Variants in PDE1C observed in about 807,000 individuals in gnomAD.
PDE1C encodes the protein dual specificity calcium/calmodulin-dependent 3',5'-cyclic nucleotide phosphodiesterase 1C.
In PDE1C, 62 loss-of-function variants were observed where a neutral mutation model predicts 93.1. The ratio of observed to expected loss-of-function variants is 0.67; its 90% CI spans 0.54 to 0.82. The LOEUF is 0.82. PDE1C is among the 40% of genes least tolerant of loss of function. The pLI, the probability that PDE1C is intolerant of heterozygous loss-of-function variation, is 0.00. For missense variants in PDE1C, 742 were observed against 884.6 expected (o/e 0.84, Z 2.04); for synonymous variants, 325 against 310.1 (o/e 1.05, Z -0.50).
intron 16 of PDE1C, among the ~76,000 whole-genome samples, chr7:31,796,192 G>A (rs915705794): frequency 7.6e-4 from 113 of 149,562 alleles, no homozygotes; most frequent in African/African-American, 2.6e-3. Flanking sequence ...ATGTATATAT[G>A]ATATATATTA....
rs1011126653 is a variant in PDE1C at position 31,952,302 on chromosome 7, T to G, written c.129-71442A>C. On this transcript the variant is annotated intron_variant, in intron 2 of 17. Coordinates refer to ENST00000396191, the MANE Select transcript of PDE1C (RefSeq NM_001191057.4). ...TCTTGCTCTGTTATTTGGGCTGGCA[T>G]GTAGTGGCGTAATCTCGACTCACTG... Among the ~76,000 whole-genome samples the G allele has an allele frequency of 3.3e-5, 5 of 152,188 alleles. No individual in the cohort carries two copies. The South Asian group carries it at 6.2e-4, about 19-fold the overall frequency.
intron 6 of PDE1C, among the ~76,000 whole-genome samples, chr7:31,867,133 C>T (rs1795400078): frequency 6.6e-6 from 1 of 152,082 alleles, no homozygotes; most frequent in Non-Finnish European, 1.5e-5. Flanking sequence ...TGGCTGTTGC[C>T]TCCAGGGATG....
At chr7:31,730,502 T>C in the PDE1C span, among the ~76,000 whole-genome samples, 1 of 152,214 alleles carries the variant, frequency 6.6e-6, no homozygotes, top group Non-Finnish European at 1.5e-5. Flanking sequence ...CAGTCTGATC[T>C]GATTCCATCC....
chr7:31,963,795 G>A (rs935268378), intron 2 of PDE1C, among the ~76,000 whole-genome samples: 6 of 152,186 alleles, frequency 3.9e-5, no homozygotes, highest in African/African-American at 1.4e-4. Flanking sequence ...CATTGAATTA[G>A]GCTAGAGAGG....
At chr7:32,273,451 G>A (rs1304204827) in intron 1 of PDE1C, among the ~76,000 whole-genome samples, 2 of 152,186 alleles carry the variant, frequency 1.3e-5, no homozygotes, top group Admixed American at 6.5e-5. Context: ...CTACCCCAAA[G>A]GACAGTCATC....
intron 1 of PDE1C, among the ~76,000 whole-genome samples, chr7:32,400,318 A>G (rs144843253): frequency 4.9e-4 from 74 of 152,260 alleles, no homozygotes; most frequent in Non-Finnish European, 7.9e-4. Context: ...TCTGCCTCCA[A>G]CTCAAGGCAT....
intron 16 of PDE1C, among the ~76,000 whole-genome samples, chr7:31,792,907 T>C (rs1190128960): frequency 6.6e-6 from 1 of 152,096 alleles, no homozygotes; most frequent in Non-Finnish European, 1.5e-5. Flanking sequence ...GAAACTTTCT[T>C]GCCACATCTT....
chr7:32,275,076 A>T (rs956416759), intron 1 of PDE1C, among the ~76,000 whole-genome samples: 12 of 152,140 alleles, frequency 7.9e-5, no homozygotes, highest in Non-Finnish European at 1.5e-4. Context: ...GATTGGAGAG[A>T]TTATTGCTTG....
intron 1 of PDE1C, among the ~76,000 whole-genome samples, chr7:32,307,899 C>T (rs1225297426): frequency 3.3e-5 from 5 of 152,312 alleles, no homozygotes; most frequent in South Asian, 2.1e-4. Flanking sequence ...GTGGGTGCAG[C>T]GCACTGTGCG....
chr7:32,368,253 A>T (rs1784261248), intron 1 of PDE1C, among the ~76,000 whole-genome samples: 1 of 152,184 alleles, frequency 6.6e-6, no homozygotes, highest in Admixed American at 6.5e-5. Context: ...GACTCTGCAA[A>T]AAAAAGACTC....
At chr7:32,228,189 G>T (rs1047394370) in intron 1 of PDE1C, among the ~76,000 whole-genome samples, 2 of 152,190 alleles carry the variant, frequency 1.3e-5, no homozygotes, top group African/African-American at 4.8e-5. Flanking sequence ...AACCTTCAGA[G>T]AACCAAACTT....
At chr7:32,221,388 T>C (rs530689410) in intron 1 of PDE1C, among the ~76,000 whole-genome samples, 2 of 152,302 alleles carry the variant, frequency 1.3e-5, no homozygotes, top group South Asian at 4.1e-4. Context: ...TTCAGCATCA[T>C]ACGCCCCACA....
At chr7:32,298,648 C>A in intron 1 of PDE1C, 1 of 1,602,644 alleles carries the variant, frequency 6.2e-7, no homozygotes, top group African/African-American at 1.3e-5. Flanking sequence ...GGAAAGTTCT[C>A]ACCTATGGTG....
chr7:31,962,882 C>A (rs1303253965), intron 2 of PDE1C, among the ~76,000 whole-genome samples: 1 of 152,132 alleles, frequency 6.6e-6, no homozygotes. Context: ...AGAACCAAGA[C>A]AAGCTACAAG....
intron 1 of PDE1C, among the ~76,000 whole-genome samples, chr7:32,056,852 T>G (rs1437910020): frequency 3.3e-5 from 5 of 152,212 alleles, no homozygotes; most frequent in Non-Finnish European, 7.3e-5. Flanking sequence ...CCAATTTTCC[T>G]TATCTTGGAA....
intron 2 of PDE1C, among the ~76,000 whole-genome samples, chr7:31,971,473 C>T (rs941464016): frequency 2.6e-5 from 4 of 152,258 alleles, no homozygotes; most frequent in East Asian, 3.9e-4. Flanking sequence ...CTGACGATCA[C>T]GCTAGGGATG....
chr7:32,210,290 A>G (rs918170442), intron 1 of PDE1C, among the ~76,000 whole-genome samples: 1 of 152,272 alleles, frequency 6.6e-6, no homozygotes, highest in Non-Finnish European at 1.5e-5. Context: ...GCCCATAAAC[A>G]TTATACCTTG....
At chr7:31,758,187 C>T (rs1011070884) in intron 17 of PDE1C, among the ~76,000 whole-genome samples, 10 of 152,044 alleles carry the variant, frequency 6.6e-5, no homozygotes, top group South Asian at 4.1e-4. Context: ...AGGAGATACA[C>T]CTAATGTAAA....
chr7:32,147,541 G>A (rs1039877743), intron 3 of PDE1C, among the ~76,000 whole-genome samples: 1 of 152,102 alleles, frequency 6.6e-6, no homozygotes, highest in Non-Finnish European at 1.5e-5. Context: ...AGGAGGTCTA[G>A]TGTAGAACCC....
Sources: gnomAD v4.1 joint callset for allele counts (sites outside exome capture counted in the v4.1 genomes callset) on GRCh38, gnomAD v4.1.1 for gene constraint, MANE v1.5 for transcripts, NCBI Gene and HGNC (gene_info 2026-07-23, HGNC 2026-07-21) for gene names.